CLNK: variants seen among roughly 807,000 people sequenced by gnomAD.
The protein encoded by CLNK is cytokine-dependent hematopoietic cell linker.
A neutral mutation model predicts 68.6 loss-of-function variants in CLNK; 74 were observed. That is an observed-to-expected ratio of 1.08 (90% CI 0.89 to 1.31). The LOEUF is 1.31. Among genes scored for constraint, CLNK ranks in the 50% most tolerant of loss-of-function variants. The pLI is 0.00. For synonymous variants in CLNK, 198 were observed against 172.2 expected (o/e 1.15, Z -1.17); for missense variants, 553 against 515.3 (o/e 1.07, Z -0.71).
At chr4:10,542,420 G>T in intron 8 of CLNK, 140 bp from the exon 9 acceptor site, 1 of 631,976 alleles carries the variant, frequency 1.6e-6, no homozygotes, top group Middle Eastern at 3.9e-4. Flanking sequence ...GATCATATGA[G>T]ATACCCAGAA....
chr4:10,569,007 C>A (rs1400149008), intron 5 of CLNK, among the ~76,000 whole-genome samples: 1 of 152,144 alleles, frequency 6.6e-6, no homozygotes. Context: ...GTGACACTAT[C>A]ACAGTAAAAG....
intron 5 of CLNK, among the ~76,000 whole-genome samples, chr4:10,568,760 G>C (rs887827953): frequency 1.3e-5 from 2 of 152,192 alleles, no homozygotes; most frequent in African/African-American, 4.8e-5. Flanking sequence ...GGAGGAGAAT[G>C]CAGCCCTGCC....
chr4:10,632,110 C>T (rs1320768046), intron 2 of CLNK, among the ~76,000 whole-genome samples: 2 of 152,206 alleles, frequency 1.3e-5, no homozygotes, highest in Non-Finnish European at 2.9e-5. Context: ...CAAAACGTAA[C>T]TCTTAACATT....
At chr4:10,591,745 A>G (rs552607673) in intron 3 of CLNK, among the ~76,000 whole-genome samples, 1 of 152,364 alleles carries the variant, frequency 6.6e-6, no homozygotes, top group Admixed American at 6.5e-5. Flanking sequence ...TACATTTTCA[A>G]GATTAGAGAT....
In CLNK at chr4:10,488,985, C is replaced by G. The variant is rs1048058831; in HGVS notation, c.*1482G>C. ...ACAGACAGTATGTTTTTTAAAAAAG[C>G]TTATTCCCACTAGAAGAGTTTATTT... On this transcript the variant is annotated 3_prime_UTR_variant, in exon 19 of 19. Coordinates refer to ENST00000226951, the MANE Select transcript of CLNK (RefSeq NM_052964.4). 33 of 152,168 alleles carry G rather than the reference C, an allele frequency of 2.2e-4. No individual in the cohort carries two copies. Among genetic ancestry groups the G allele is most frequent in the African/African-American group, 7.5e-4 (31 of 41,506 alleles). 9.4% of individuals were successfully genotyped at this position (152,168 alleles called of 1,614,324 possible). A position where few individuals can be genotyped will look rare whatever the true frequency, so the allele number is the denominator to read the frequency against.
In CLNK at chr4:10,507,975, A is replaced by T; in HGVS notation, c.968T>A (p.Phe323Tyr). 2 of 1,608,966 alleles carry T rather than the reference A, an allele frequency of 1.2e-6. No homozygotes were observed. ...AGGCATTACCTTGTTCTCCTTCATG[A>T]ATGCCTCTTCCACTGCCTGGCGGCT... The part of the protein sequence containing the change: ...EYSRQAVEEA[F>Y]MKENKDGSFL... Residue 323 changes from phenylalanine to tyrosine, a missense_variant, in exon 17 of 19, where the codon TTC (phenylalanine) becomes TAC (tyrosine). By Grantham distance (22) the Phe-to-Tyr change is conservative. Transcript: ENST00000226951.
At chr4:10,496,360 CT>C (rs1327837584) in intron 18 of CLNK, among the ~76,000 whole-genome samples, 1 of 152,096 alleles carries the variant, frequency 6.6e-6, no homozygotes, top group Non-Finnish European at 1.5e-5. Flanking sequence ...TGTAAAATGC[CT>C]TTATCTTGTT....
chr4:10,732,439 A>C, the CLNK span, among the ~76,000 whole-genome samples: 2 of 152,196 alleles, frequency 1.3e-5, no homozygotes, highest in African/African-American at 4.8e-5. Context: ...CAGGTTTTTA[A>C]GTAGGAGTGA....
chr4:10,645,130 C>G (rs989777039), intron 2 of CLNK, among the ~76,000 whole-genome samples: 2 of 152,230 alleles, frequency 1.3e-5, no homozygotes, highest in African/African-American at 4.8e-5. Context: ...AAAAAGCCTT[C>G]CCTGATCTCC....
chr4:10,576,345 A>C (rs910260420), intron 4 of CLNK, among the ~76,000 whole-genome samples: 1 of 152,220 alleles, frequency 6.6e-6, no homozygotes, highest in Non-Finnish European at 1.5e-5. Flanking sequence ...GCATCCCAGG[A>C]GAGTTATGGT....
At chr4:10,633,542 G>A (rs1280820031) in intron 2 of CLNK, among the ~76,000 whole-genome samples, 1 of 152,166 alleles carries the variant, frequency 6.6e-6, no homozygotes, top group African/African-American at 2.4e-5. Flanking sequence ...TGAAGAAAAC[G>A]AGAGACGCAA....
At chr4:10,679,097 A>C (rs36166321) in intron 1 of CLNK, among the ~76,000 whole-genome samples, 1 of 152,180 alleles carries the variant, frequency 6.6e-6, no homozygotes, top group Non-Finnish European at 1.5e-5. Context: ...GAGGCATCAG[A>C]CTACCTGACT....
intron 12 of CLNK, among the ~76,000 whole-genome samples, chr4:10,530,682 T>G (rs866109784): frequency 6.6e-6 from 1 of 152,212 alleles, no homozygotes; most frequent in Non-Finnish European, 1.5e-5. Flanking sequence ...CCTCTCAGAC[T>G]GACCAAAGGG....
chr4:10,700,204 G>A, the CLNK span, among the ~76,000 whole-genome samples: 1 of 152,102 alleles, frequency 6.6e-6, no homozygotes, highest in African/African-American at 2.4e-5. Context: ...AAGAAACTGA[G>A]AATTACAATT....
intron 2 of CLNK, among the ~76,000 whole-genome samples, chr4:10,638,235 G>A (rs1008594645): frequency 2.6e-5 from 4 of 152,192 alleles, no homozygotes; most frequent in African/African-American, 4.8e-5. Flanking sequence ...CTCAGGATTC[G>A]TAACCACCCT....
the CLNK span, among the ~76,000 whole-genome samples, chr4:10,711,006 G>A: frequency 2.6e-5 from 4 of 152,186 alleles, no homozygotes; most frequent in Admixed American, 6.5e-5. Flanking sequence ...AATAAGATGT[G>A]TGCTATTTAT....
intron 2 of CLNK, among the ~76,000 whole-genome samples, chr4:10,624,288 C>T (rs1040905676): frequency 2.6e-5 from 4 of 152,092 alleles, no homozygotes; most frequent in African/African-American, 9.7e-5. Flanking sequence ...AGATATTCCA[C>T]AAAGATTAGT....
rs1725208257 is a variant in CLNK at position 10,684,745 on chromosome 4, C to T, written c.-120G>A. On this transcript the variant is annotated 5_prime_UTR_variant, in exon 1 of 19. Coordinates refer to ENST00000226951, the MANE Select transcript of CLNK (RefSeq NM_052964.4). ...TGAGGAGGGGCGGCAGTGCAGAGAC[C>T]TTGGGGCACTGGAAATTAGTAAGGC... 6.6e-6 allele frequency: 1 copy of T among 152,214 alleles called. No homozygotes were observed. Among genetic ancestry groups the T allele is most frequent in the African/African-American group, 2.4e-5 (1 of 41,410 alleles). 9.4% of individuals were successfully genotyped at this position (152,214 alleles called of 1,614,324 possible).
intron 2 of CLNK, chr4:10,656,539 G>C (rs960003129): frequency 6.6e-6 from 1 of 152,112 alleles, no homozygotes; most frequent in Non-Finnish European, 1.5e-5. Context: ...CTGCCAGTAT[G>C]GAAGGACTGG....
Sources: allele counts gnomAD v4.1 joint callset (sites outside exome capture counted in the v4.1 genomes callset), GRCh38; gene constraint gnomAD v4.1.1; transcripts MANE v1.5; gene names NCBI Gene and HGNC (gene_info 2026-07-23, HGNC 2026-07-21).